IQCM: variants seen among roughly 807,000 people sequenced by gnomAD.
The protein encoded by IQCM is IQ motif containing M.
Under a neutral mutation model 57.6 loss-of-function variants are expected in IQCM, and 45 were observed. The ratio of observed to expected loss-of-function variants is 0.78; its 90% CI spans 0.62 to 1.00. The LOEUF (loss-of-function observed/expected upper bound fraction) is 1.00. Ranked by LOEUF, IQCM falls within the 50% of genes least tolerant of loss-of-function variation. IQCM has a pLI of 0.00. For synonymous variants in IQCM, 148 were observed against 158.9 expected (o/e 0.93, Z 0.51); for missense variants, 468 against 511.6 (o/e 0.91, Z 0.82).
At chr4:149,612,543 G>A (rs1016751902) in intron 8 of IQCM, among the ~76,000 whole-genome samples, 1 of 152,008 alleles carries the variant, frequency 6.6e-6, no homozygotes, top group African/African-American at 2.4e-5. Context: ...ACAAAGAAAT[G>A]AAATGACTTG....
At chr4:149,723,198 G>C (rs1415069475) in intron 5 of IQCM, among the ~76,000 whole-genome samples, 2 of 151,964 alleles carry the variant, frequency 1.3e-5, no homozygotes, top group Non-Finnish European at 2.9e-5. Context: ...GGAGTCTTTA[G>C]GGTTTTCTAC....
chr4:149,588,581 C>T (rs1326090984), intron 8 of IQCM, among the ~76,000 whole-genome samples: 2 of 151,556 alleles, frequency 1.3e-5, no homozygotes, highest in Non-Finnish European at 2.9e-5. Flanking sequence ...GTCAAAAGGG[C>T]GGGGCCTAAT....
intron 8 of IQCM, among the ~76,000 whole-genome samples, chr4:149,610,086 T>G (rs914800546): frequency 5.3e-5 from 8 of 151,782 alleles, no homozygotes; most frequent in African/African-American, 1.7e-4. Flanking sequence ...ATATGCCAAC[T>G]GCAAACAATC....
chr4:149,609,422 A>G (rs1019580021), intron 8 of IQCM, among the ~76,000 whole-genome samples: 11 of 151,894 alleles, frequency 7.2e-5, no homozygotes, highest in Non-Finnish European at 1.5e-4. Context: ...CAAAAACCAG[A>G]CAAAGCCAGA....
chr4:149,752,984 G>A (rs1380439121), intron 2 of IQCM, among the ~76,000 whole-genome samples: 2 of 152,216 alleles, frequency 1.3e-5, no homozygotes, highest in Non-Finnish European at 2.9e-5. Context: ...CAAAGGGGCA[G>A]GAGCCCCAAG....
chr4:149,598,240 A>G (rs1753955718), intron 8 of IQCM, among the ~76,000 whole-genome samples: 1 of 152,182 alleles, frequency 6.6e-6, no homozygotes, highest in Non-Finnish European at 1.5e-5. Flanking sequence ...ACAAACAACG[A>G]CACAATGAAA....
chr4:149,742,626 T>C (rs1261496621), intron 3 of IQCM, 29 bp downstream of exon 3: 2 of 1,213,716 alleles, frequency 1.6e-6, no homozygotes, highest in African/African-American at 1.6e-5. Context: ...TTATGACTTG[T>C]ACTATGTTAG....
chr4:149,411,831 A>T (rs1733401376), intron 13 of IQCM, among the ~76,000 whole-genome samples: 1 of 152,224 alleles, frequency 6.6e-6, no homozygotes, highest in Admixed American at 6.5e-5. Context: ...AGTGCTAAGG[A>T]AAATAAATAC....
chr4:149,805,400 A>C (rs1272644454), intron 2 of IQCM, among the ~76,000 whole-genome samples: 1 of 152,086 alleles, frequency 6.6e-6, no homozygotes, highest in East Asian at 1.9e-4. Context: ...TGTAACTGAC[A>C]CAAAGTGTTT....
chr4:149,655,046 A>G (rs1193791117), intron 7 of IQCM, among the ~76,000 whole-genome samples: 12 of 152,158 alleles, frequency 7.9e-5, no homozygotes, highest in Non-Finnish European at 8.8e-5. Flanking sequence ...CATTTCTATT[A>G]TACACCACTG....
chr4:149,474,161 A>G (rs909638008), intron 12 of IQCM, among the ~76,000 whole-genome samples: 1 of 152,092 alleles, frequency 6.6e-6, no homozygotes. Flanking sequence ...AGTCAAAAAA[A>G]AAAGAAAGCA....
At chr4:149,486,017 G>GTCAGTCTCTCTC (rs1741445574) in intron 12 of IQCM, among the ~76,000 whole-genome samples, 3 of 121,598 alleles carry the variant, frequency 2.5e-5, no homozygotes, top group African/African-American at 9.0e-5. Context: ...AGCAAACAGA[G>GTCAGTCTCTCTC]TCTCTCTCTC....
intron 12 of IQCM, among the ~76,000 whole-genome samples, chr4:149,474,793 G>A (rs2149737465): frequency 6.6e-6 from 1 of 152,124 alleles, no homozygotes; most frequent in African/African-American, 2.4e-5. Context: ...TTTGAGCTAA[G>A]ACTTAAAGGA....
chr4:149,791,348 A>G (rs1456158689), intron 2 of IQCM, among the ~76,000 whole-genome samples: 1 of 152,202 alleles, frequency 6.6e-6, no homozygotes, highest in Non-Finnish European at 1.5e-5. Flanking sequence ...ATTTTGATAT[A>G]AGCATATGTT....
At chr4:149,644,255 GAAA>G (rs1402044590) in intron 7 of IQCM, among the ~76,000 whole-genome samples, 1 of 152,162 alleles carries the variant, frequency 6.6e-6, no homozygotes, top group South Asian at 2.1e-4. Flanking sequence ...CCACTTAGCA[GAAA>G]CAATATAGAT....
At chr4:149,802,069 A>C (rs116699043) in intron 2 of IQCM, among the ~76,000 whole-genome samples, 1,818 of 151,988 alleles carry the variant, frequency 0.012, 44 homozygotes, top group African/African-American at 0.042. Flanking sequence ...AAAACAAAAA[A>C]GAAGTATGGC....
chr4:149,439,176 T>C (rs1351309390), intron 12 of IQCM, among the ~76,000 whole-genome samples: 1 of 151,938 alleles, frequency 6.6e-6, no homozygotes, highest in African/African-American at 2.4e-5. Flanking sequence ...CATTTTAGAG[T>C]AGAAAATTAG....
At chr4:149,676,684 C>T (rs1022107637) in intron 7 of IQCM, among the ~76,000 whole-genome samples, 2 of 152,026 alleles carry the variant, frequency 1.3e-5, no homozygotes, top group African/African-American at 4.8e-5. Flanking sequence ...TACCATACTG[C>T]TTTAAAAGGC....
At chr4:149,615,169 T>C (rs1755677535) in intron 8 of IQCM, among the ~76,000 whole-genome samples, 1 of 152,180 alleles carries the variant, frequency 6.6e-6, no homozygotes, top group South Asian at 2.1e-4. Flanking sequence ...TCCCCTACAT[T>C]ATATGTTCCA....
Sources: gnomAD v4.1 joint callset for allele counts (sites outside exome capture counted in the v4.1 genomes callset) on GRCh38, gnomAD v4.1.1 for gene constraint, MANE v1.5 for transcripts, NCBI Gene and HGNC (gene_info 2026-07-23, HGNC 2026-07-21) for gene names.